CFAP61: variants seen among roughly 807,000 people sequenced by gnomAD.
CFAP61 encodes the protein cilia and flagella associated protein 61.
In CFAP61, 107 loss-of-function variants were observed where a neutral mutation model predicts 135.6. The ratio of observed to expected loss-of-function variants is 0.79; its 90% CI spans 0.67 to 0.93. The LOEUF (loss-of-function observed/expected upper bound fraction) is 0.93. CFAP61 is among the 40% of genes least tolerant of loss of function. The pLI is 0.00. For synonymous variants in CFAP61, 575 were observed against 578.5 expected (o/e 0.99, Z 0.09); for missense variants, 1,507 against 1,556.2 (o/e 0.97, Z 0.53).
At chr20:20,081,767 G>T (rs1285319313) in intron 6 of CFAP61, among the ~76,000 whole-genome samples, 1 of 151,628 alleles carries the variant, frequency 6.6e-6, no homozygotes, top group Admixed American at 6.5e-5. Flanking sequence ...TTAACCTGAG[G>T]TCTTGCACAT....
intron 19 of CFAP61, among the ~76,000 whole-genome samples, chr20:20,248,545 G>A (rs538606006): frequency 3.3e-5 from 5 of 152,216 alleles, no homozygotes; most frequent in Non-Finnish European, 5.9e-5. Flanking sequence ...GGATGCAGCC[G>A]AAAGGAAGGC....
intron 13 of CFAP61, among the ~76,000 whole-genome samples, chr20:20,179,183 C>T (rs931930585): frequency 1.3e-5 from 2 of 152,194 alleles, no homozygotes. Context: ...AGCAAAGTCT[C>T]AGGATACAAA....
chr20:20,316,660 G>A (rs1429604875), intron 25 of CFAP61: 10 of 151,804 alleles, frequency 6.6e-5, no homozygotes, highest in African/African-American at 2.4e-4. Context: ...CATTCAGTAT[G>A]ATATTGGCTA....
intron 25 of CFAP61, among the ~76,000 whole-genome samples, chr20:20,324,370 T>G (rs1477193149): frequency 6.6e-6 from 1 of 152,242 alleles, no homozygotes; most frequent in East Asian, 1.9e-4. Context: ...ATACTGTACC[T>G]ATTTCCTTCT....
intron 21 of CFAP61, among the ~76,000 whole-genome samples, chr20:20,269,190 TATATACATATATGTATATATACAC>T (rs1259472388): frequency 2.2e-5 from 2 of 92,852 alleles, no homozygotes; most frequent in African/African-American, 3.9e-5. Context: ...TACACACACA[TATATACATATATGTATATATACAC>T]ATATATACAT....
chr20:20,340,812 C>T (rs573372561), intron 25 of CFAP61, among the ~76,000 whole-genome samples: 3 of 152,110 alleles, frequency 2.0e-5, no homozygotes, highest in South Asian at 2.1e-4. Flanking sequence ...TAAACAGCAA[C>T]GCGGGCAAGT....
chr20:20,078,711 A>AGAGAGGGAGAGGAATACAGAAG (rs1468335180), intron 6 of CFAP61, among the ~76,000 whole-genome samples: 1 of 152,192 alleles, frequency 6.6e-6, no homozygotes, highest in Non-Finnish European at 1.5e-5. Flanking sequence ...GAAAACTAGA[A>AGAGAGGGAGAGGAATACAGAAG]GAGAGGGAGA....
In CFAP61 at chr20:20,288,620, C is replaced by T. The variant is rs780936392; in HGVS notation, c.2808C>T (p.Ser936=). 4 of 1,611,806 alleles carry T rather than the reference C, an allele frequency of 2.5e-6. 1 individual carries two copies. The South Asian group carries it at 3.3e-5, about 13-fold the overall frequency. Residue 936 remains serine (S), a synonymous_variant, in exon 23 of 27, where the codon AGC becomes AGT. Coordinates refer to ENST00000245957, the MANE Select transcript of CFAP61 (RefSeq NM_015585.4). ...TGTTCACTTCGTAGATGTTCTTCAGCTTCTGTGAGAAGAATGTGGATTATG... is the reference window on the plus strand; with the variant it reads ...TGTTCACTTCGTAGATGTTCTTCAGTTTCTGTGAGAAGAATGTGGATTATG... ...PFRLQCSMFF[S]FCEKNVDYET...
At chr20:20,092,288 A>G (rs2146620040) in intron 7 of CFAP61, among the ~76,000 whole-genome samples, 1 of 152,370 alleles carries the variant, frequency 6.6e-6, no homozygotes, top group East Asian at 1.9e-4. Flanking sequence ...TATTGTAAAA[A>G]TTATGAAAGT....
intron 18 of CFAP61, among the ~76,000 whole-genome samples, chr20:20,238,914 G>GC (rs2049807360): frequency 6.6e-6 from 1 of 151,616 alleles, no homozygotes; most frequent in African/African-American, 2.4e-5. Flanking sequence ...AAATGCAGGT[G>GC]CCCTTGTTTA....
chr20:20,177,910 C>G (rs769662732), intron 13 of CFAP61, among the ~76,000 whole-genome samples: 1 of 151,954 alleles, frequency 6.6e-6, no homozygotes, highest in Admixed American at 6.6e-5. Context: ...CACAGGTCCT[C>G]CACACCTACT....
chr20:20,356,502 T>C (rs1428134773), intron 26 of CFAP61, among the ~76,000 whole-genome samples: 1 of 87,466 alleles, frequency 1.1e-5, no homozygotes, highest in African/African-American at 4.8e-5. Flanking sequence ...TGAGGGGAGA[T>C]GGTCACACTG....
chr20:20,166,028 C>A (rs565014801), intron 11 of CFAP61, among the ~76,000 whole-genome samples: 2 of 152,162 alleles, frequency 1.3e-5, no homozygotes, highest in Non-Finnish European at 2.9e-5. Flanking sequence ...TACAGCTAGT[C>A]AGAAAATCTT....
intron 26 of CFAP61, among the ~76,000 whole-genome samples, chr20:20,356,101 G>T (rs1289500880): frequency 2.0e-5 from 1 of 50,728 alleles, no homozygotes. Flanking sequence ...ACACTGTGAG[G>T]GGAGGTGGTC....
chr20:20,199,689 T>C (rs2056504424), intron 16 of CFAP61, 79 bp from the exon 17 acceptor site: 3 of 1,499,138 alleles, frequency 2.0e-6, no homozygotes, highest in African/African-American at 2.8e-5. Flanking sequence ...GAGTTTTGTA[T>C]TTGTAAAGCT....
chr20:20,145,277 T>G (rs1337774585), intron 9 of CFAP61, among the ~76,000 whole-genome samples: 3 of 152,288 alleles, frequency 2.0e-5, no homozygotes, highest in African/African-American at 7.2e-5. Flanking sequence ...AGGGGAAAAG[T>G]ATACTATTTT....
At position 20,121,823 on chromosome 20, in the gene CFAP61, G is replaced by T. The variant is rs567092223; in HGVS notation, c.860-21034G>T. Among the ~76,000 whole-genome samples, 53 of 152,022 alleles carry T rather than the reference G, an allele frequency of 3.5e-4. No homozygotes were observed. The South Asian group carries it at 0.011, about 32-fold the overall frequency. The stretch of plus-strand genomic sequence containing the variant: ...AGTACAGGCTTTCAACTGCCATTTT[G>T]TTGCTTATTTTCTGGTGGTTTTGTG... On this transcript the variant is annotated intron_variant, in intron 8 of 26. Transcript: ENST00000245957.
chr20:20,067,648 T>C (rs895107286), intron 2 of CFAP61, among the ~76,000 whole-genome samples: 1 of 137,276 alleles, frequency 7.3e-6, no homozygotes, highest in Non-Finnish European at 1.5e-5. Context: ...TCTCAAAATA[T>C]ATATATATAT....
chr20:20,337,392 G>GGATGGATA (rs2058252779), intron 25 of CFAP61, among the ~76,000 whole-genome samples: 1 of 56,638 alleles, frequency 1.8e-5, no homozygotes, highest in Non-Finnish European at 3.6e-5. Context: ...ATGGATGGAT[G>GGATGGATA]GATGGATAGA....
Sources: allele counts gnomAD v4.1 joint callset (sites outside exome capture counted in the v4.1 genomes callset), GRCh38; gene constraint gnomAD v4.1.1; transcripts MANE v1.5; gene names NCBI Gene and HGNC (gene_info 2026-07-23, HGNC 2026-07-21).